SPAG16: variants seen among roughly 807,000 people sequenced by gnomAD.
The protein encoded by SPAG16 is sperm associated antigen 16.
In SPAG16, 86 loss-of-function variants were observed where a neutral mutation model predicts 80.4. The ratio of observed to expected loss-of-function variants is 1.07; its 90% CI spans 0.90 to 1.28. SPAG16 has a LOEUF of 1.28. SPAG16 is among the 50% of genes most tolerant of loss of function. The pLI is 0.00. For synonymous variants in SPAG16, 294 were observed against 265.9 expected, an observed-to-expected ratio of 1.11 and a Z score of -1.03; for missense variants, 870 against 765.3, an observed-to-expected ratio of 1.14 and a Z score of -1.61.
chr2:213,587,993 G>C (rs1001064241), intron 10 of SPAG16, among the ~76,000 whole-genome samples: 2 of 152,032 alleles, frequency 1.3e-5, no homozygotes, highest in African/African-American at 2.4e-5. Context: ...TGATCAAGAG[G>C]AACCTAGATT....
intron 10 of SPAG16, among the ~76,000 whole-genome samples, chr2:213,683,362 C>A (rs990718203): frequency 6.6e-6 from 1 of 152,090 alleles, no homozygotes; most frequent in Non-Finnish European, 1.5e-5. Context: ...AGCAGCCTGG[C>A]CAACATGGCA....
At chr2:213,684,497 A>G (rs1465369628) in intron 10 of SPAG16, among the ~76,000 whole-genome samples, 2 of 152,220 alleles carry the variant, frequency 1.3e-5, no homozygotes, top group East Asian at 1.9e-4. Context: ...TAATGTTCAC[A>G]TATTAGAAAA....
chr2:213,356,969 A>C (rs2065692696), intron 7 of SPAG16, among the ~76,000 whole-genome samples: 1 of 152,122 alleles, frequency 6.6e-6, no homozygotes, highest in Non-Finnish European at 1.5e-5. Context: ...CATTGATTTC[A>C]AAGAACGTCT....
At chr2:214,006,327 G>T (rs1030156759) in intron 12 of SPAG16, among the ~76,000 whole-genome samples, 1 of 152,166 alleles carries the variant, frequency 6.6e-6, no homozygotes, top group Non-Finnish European at 1.5e-5. Flanking sequence ...GGAACTCTGT[G>T]TTAAAACAGT....
At chr2:213,385,478 A>G (rs971846253) in intron 9 of SPAG16, among the ~76,000 whole-genome samples, 1 of 152,184 alleles carries the variant, frequency 6.6e-6, no homozygotes, top group Admixed American at 6.5e-5. Context: ...CCATAGGTAC[A>G]TGTTGGCTAG....
chr2:213,623,905 T>G (rs939638131), intron 10 of SPAG16, among the ~76,000 whole-genome samples: 1 of 152,112 alleles, frequency 6.6e-6, no homozygotes, highest in Non-Finnish European at 1.5e-5. Context: ...TCAATTTATC[T>G]ATTAGAAAAT....
intron 10 of SPAG16, among the ~76,000 whole-genome samples, chr2:213,665,903 C>A (rs2063583605): frequency 6.6e-6 from 1 of 152,010 alleles, no homozygotes; most frequent in Non-Finnish European, 1.5e-5. Flanking sequence ...AAATCACCAG[C>A]AGAAAGCAAA....
rs539199150 is a variant in SPAG16, at chr2:213,384,534, G to C, written c.942+9415G>C. Among the ~76,000 whole-genome samples the C allele has an allele frequency of 3.9e-5, 6 of 152,260 alleles. No individual in the cohort carries two copies. The East Asian group carries it at 1.2e-3, about 29-fold the overall frequency. ...GAGTATCAACGCCATGCTAGACCCT[G>C]TGTCAACAGTTTCACAATGTCTGGG... On this transcript the variant is annotated intron_variant, in intron 9 of 15. Transcript: ENST00000331683.
intron 15 of SPAG16, among the ~76,000 whole-genome samples, chr2:214,327,119 T>C (rs1234842997): frequency 6.6e-6 from 1 of 152,196 alleles, no homozygotes; most frequent in Non-Finnish European, 1.5e-5. Flanking sequence ...TAAGCATTTT[T>C]ATAAATACCT....
chr2:213,385,510 A>C (rs2067380965), intron 9 of SPAG16, among the ~76,000 whole-genome samples: 1 of 152,184 alleles, frequency 6.6e-6, no homozygotes, highest in Non-Finnish European at 1.5e-5. Flanking sequence ...CCTTGGAAGT[A>C]GTTCTTTTCA....
chr2:213,665,980 A>T (rs2063585878), intron 10 of SPAG16, among the ~76,000 whole-genome samples: 1 of 152,168 alleles, frequency 6.6e-6, no homozygotes. Context: ...TGAGAGTTGA[A>T]CCATGAAGGC....
chr2:214,121,562 A>C (rs2125457116), intron 14 of SPAG16, among the ~76,000 whole-genome samples: 1 of 152,022 alleles, frequency 6.6e-6, no homozygotes, highest in Admixed American at 6.6e-5. Flanking sequence ...AGAACAGAGA[A>C]TATTAGATAA....
At chr2:213,577,597 C>T (rs1411877980) in intron 10 of SPAG16, among the ~76,000 whole-genome samples, 1 of 152,154 alleles carries the variant, frequency 6.6e-6, no homozygotes, top group African/African-American at 2.4e-5. Context: ...GGATCCAATC[C>T]TGACACTTAA....
intron 10 of SPAG16, among the ~76,000 whole-genome samples, chr2:213,671,562 C>T (rs115785239): frequency 0.024 from 3,592 of 152,278 alleles, 69 homozygotes; most frequent in Non-Finnish European, 0.038. Flanking sequence ...TCTCCCATCT[C>T]CTCCATAAGA....
At position 214,183,906 on chromosome 2, in the gene SPAG16, A is replaced by G. The variant is rs1034502037; in HGVS notation, c.1720+34640A>G. Reference sequence around the variant, plus strand: ...GAGGCAAATTTAAGCTCCATACAGGATAAGTACATATCTTAAAACATTTGG... The same window carrying G: ...GAGGCAAATTTAAGCTCCATACAGGGTAAGTACATATCTTAAAACATTTGG... On this transcript the variant is annotated intron_variant, in intron 15 of 15. Transcript: ENST00000331683. Among the ~76,000 whole-genome samples, 4 of 152,232 alleles carry G rather than the reference A, an allele frequency of 2.6e-5. No individual in the cohort carries two copies. In the South Asian group the frequency reaches 6.2e-4, roughly 24 times the overall value.
intron 13 of SPAG16, among the ~76,000 whole-genome samples, chr2:214,039,131 A>G (rs934723989): frequency 1.1e-4 from 17 of 152,272 alleles, no homozygotes; most frequent in South Asian, 8.3e-4. Context: ...GACTTCCACA[A>G]TGGTTGAACT....
intron 10 of SPAG16, among the ~76,000 whole-genome samples, chr2:213,806,957 C>G (rs987891664): frequency 6.6e-6 from 1 of 152,158 alleles, no homozygotes; most frequent in Admixed American, 6.5e-5. Flanking sequence ...ATCACGGATA[C>G]ATTAGCTGTT....
At chr2:213,496,823 G>C (rs1000933457) in intron 10 of SPAG16, among the ~76,000 whole-genome samples, 2 of 150,844 alleles carry the variant, frequency 1.3e-5, no homozygotes, top group South Asian at 4.2e-4. Context: ...TGTGAGTTTT[G>C]AAATTAAATA....
At chr2:213,629,750 G>C (rs946226892) in intron 10 of SPAG16, among the ~76,000 whole-genome samples, 1 of 152,128 alleles carries the variant, frequency 6.6e-6, no homozygotes, top group Admixed American at 6.5e-5. Context: ...TTCTGGCTGG[G>C]TATAGGCAAT....
Sources: allele counts gnomAD v4.1 joint callset (sites outside exome capture counted in the v4.1 genomes callset), GRCh38; gene constraint gnomAD v4.1.1; transcripts MANE v1.5; gene names NCBI Gene and HGNC (gene_info 2026-07-23, HGNC 2026-07-21).